Variants in THSD1 observed in about 807,000 individuals in gnomAD.
THSD1 encodes thrombospondin type-1 domain-containing protein 1.
In THSD1, 34 loss-of-function variants were observed where a neutral mutation model predicts 46.3. The ratio of observed to expected loss-of-function variants is 0.74; its 90% confidence interval spans 0.56 to 0.98. The LOEUF (loss-of-function observed/expected upper bound fraction) is 0.98, where lower values mean the gene tolerates loss of function less well. Ranked by LOEUF, THSD1 falls within the 50% of genes least tolerant of loss-of-function variation. The pLI, the probability that THSD1 is intolerant of heterozygous loss-of-function variation, is 0.00. For synonymous variants in THSD1, 407 were observed against 416.5 expected, an observed-to-expected ratio of 0.98 and a Z score of 0.28; for missense variants, 1,023 against 1,058.3, an observed-to-expected ratio of 0.97 and a Z score of 0.46.
chr13:52,378,574 C>T lies in THSD1; in HGVS notation c.1396G>A (p.Glu466Lys), dbSNP rs748275180. 6.2e-7 allele frequency: 1 copy of T among 1,614,176 alleles called. No homozygotes were observed. The highest frequency in any genetic ancestry group is 8.5e-7 in the Non-Finnish European group (1 of 1,180,044). ...SPSFRKNSDE[E>K]NICELSEQRG... Reference sequence around the variant, plus strand: ...TGCTCGCTCAGCTCGCAGATATTCTCCTCGTCCGAGTTCTTCCGGAAGCTG... The same window carrying T: ...TGCTCGCTCAGCTCGCAGATATTCTTCTCGTCCGAGTTCTTCCGGAAGCTG... Residue 466 changes from glutamate (E) to lysine (K), a missense_variant, in exon 5 of 5, where the codon GAG becomes AAG. Glu to Lys is a moderately conservative substitution (Grantham distance 56). Coordinates refer to ENST00000258613, the MANE Select transcript of THSD1 (RefSeq NM_018676.4).
Position 52,386,160 on chromosome 13 carries a change from T to C in THSD1, c.1048A>G (p.Ser350Gly), listed in dbSNP as rs961170720. The C allele has an allele frequency of 6.2e-7, 1 of 1,614,112 alleles. No individual in the cohort carries two copies. Among genetic ancestry groups the C allele is most frequent in the African/African-American group, 1.3e-5 (1 of 75,048 alleles). ...TCCCCACATGTGGCACTACACTGGC[T>C]CCATGGCTGCCACAGTCCCCAAGTT... Reference protein sequence around the residue: ...TETWGLWQPWSQCSATCGDGV... With the variant: ...TETWGLWQPWGQCSATCGDGV... Residue 350 changes from serine to glycine, a missense_variant, in exon 4 of 5, where the codon AGC becomes GGC. Physicochemically the swap from Ser to Gly is moderately conservative, Grantham distance 56. Coordinates refer to ENST00000258613, the MANE Select transcript of THSD1 (RefSeq NM_018676.4).
intron 4 of THSD1, among the ~76,000 whole-genome samples, chr13:52,382,603 A>G (rs1043082395): frequency 6.6e-6 from 1 of 152,026 alleles, no homozygotes; most frequent in Admixed American, 6.6e-5. Flanking sequence ...CAGGTCTCTT[A>G]ATGTGCCATC....
At chr13:52,387,929 A>T (rs1957745899) in intron 3 of THSD1, among the ~76,000 whole-genome samples, 1 of 152,118 alleles carries the variant, frequency 6.6e-6, no homozygotes, top group East Asian at 1.9e-4. Flanking sequence ...TTAATGAAAG[A>T]CTCCAAACCA....
At chr13:52,401,475 A>AT in intron 2 of THSD1, among the ~76,000 whole-genome samples, 1 of 150,640 alleles carries the variant, frequency 6.6e-6, no homozygotes, top group Non-Finnish European at 1.5e-5. Flanking sequence ...ATTTTTTTGT[A>AT]TTTTTAGTAG....
At chr13:52,383,762 C>A (rs1957709594) in intron 4 of THSD1, among the ~76,000 whole-genome samples, 1 of 152,152 alleles carries the variant, frequency 6.6e-6, no homozygotes, top group Non-Finnish European at 1.5e-5. Flanking sequence ...TTGACTAGGA[C>A]AAAGAGCACA....
intron 3 of THSD1, among the ~76,000 whole-genome samples, chr13:52,394,140 A>G (rs1365264644): frequency 1.3e-5 from 2 of 152,144 alleles, no homozygotes; most frequent in African/African-American, 4.8e-5. Context: ...GAAAAACTCC[A>G]GCCTTTAGAC....
intron 1 of THSD1, chr13:52,403,028 T>C (rs1439219074): frequency 2.2e-4 from 179 of 810,286 alleles, no homozygotes; most frequent in Non-Finnish European, 2.7e-4. Context: ...CATTTTCACA[T>C]TATTTATCTG....
At chr13:52,398,281 T>A (rs1957827104) in intron 2 of THSD1, 87 bp from the exon 3 acceptor site, 1 of 1,513,504 alleles carries the variant, frequency 6.6e-7, no homozygotes. Context: ...ATTTTTAAAT[T>A]TTTTTTTGAG....
intron 3 of THSD1, among the ~76,000 whole-genome samples, chr13:52,391,270 G>A (rs919057388): frequency 6.6e-6 from 1 of 151,620 alleles, no homozygotes; most frequent in African/African-American, 2.4e-5. Context: ...AGGCTGGAGT[G>A]CAGTGGTGTG....
In THSD1 at chr13:52,397,588, A is replaced by G. The variant is rs1788298474; in HGVS notation, c.665T>C (p.Leu222Pro). The change falls in exon 3 of 5, where the codon CTT becomes CCT. Residue 222 changes from leucine (L) to proline (P), a missense_variant. Physicochemically the swap from Leu to Pro is moderately conservative, Grantham distance 98. Transcript: ENST00000258613. ...GGAGGTAATGACTGAGTCTCGCCCA[A>G]GCAGCTTCAGCACCACGGTGACATA... The part of the protein sequence containing the change: ...EAYVTVVLKL[L>P]GRDSVITSTG... 1 of 1,614,204 alleles carries G rather than the reference A, an allele frequency of 6.2e-7. No homozygotes were observed. The highest frequency in any genetic ancestry group is 8.5e-7 in the Non-Finnish European group (1 of 1,180,032).
At position 52,402,663 on chromosome 13, in the gene THSD1, T is replaced by C; in HGVS notation, c.-63A>G. 5 of 1,593,730 alleles carry C rather than the reference T, an allele frequency of 3.1e-6. No individual in the cohort carries two copies. In the South Asian group the frequency reaches 5.7e-5, roughly 18 times the overall value. ...GTCCTTTCTCACGTCCAGATTGTGA[T>C]TTTTTTCCCCAAAAACACCTGAAAT... On this transcript the variant is annotated 5_prime_UTR_variant, in exon 2 of 5. Transcript: ENST00000258613.
At chr13:52,394,485 G>A (rs556427616) in intron 3 of THSD1, among the ~76,000 whole-genome samples, 267 of 152,064 alleles carry the variant, frequency 1.8e-3, no homozygotes, top group Middle Eastern at 3.4e-3. Flanking sequence ...ATGGTGGGGC[G>A]CATCTATAAT....
At chr13:52,391,587 A>G (rs1211274974) in intron 3 of THSD1, among the ~76,000 whole-genome samples, 2 of 151,782 alleles carry the variant, frequency 1.3e-5, no homozygotes, top group East Asian at 3.9e-4. Context: ...TCTGTAGCCC[A>G]GGCTGGAGTG....
intron 3 of THSD1, among the ~76,000 whole-genome samples, chr13:52,394,329 T>C (rs1594102019): frequency 6.6e-6 from 1 of 152,288 alleles, no homozygotes; most frequent in South Asian, 2.1e-4. Flanking sequence ...GGCAAGAATA[T>C]TGGGCCAGGC....
chr13:52,381,621 G>A (rs1957693480), intron 4 of THSD1, among the ~76,000 whole-genome samples: 1 of 152,106 alleles, frequency 6.6e-6, no homozygotes, highest in Non-Finnish European at 1.5e-5. Flanking sequence ...ATAATCAGTG[G>A]GAGAACTGTC....
rs1957639615 is a variant in THSD1 at position 52,377,244 on chromosome 13, GATAA to G, written c.*163_*166del. 1.5e-6 allele frequency: 2 copies of G among 1,321,082 alleles called. No individual in the cohort carries two copies. Among genetic ancestry groups the G allele is most frequent in the African/African-American group, 2.9e-5 (2 of 68,160 alleles). The allele number at this position is 1,321,082 out of a possible 1,614,324, so 81.8% of individuals were successfully genotyped here. A position where few individuals can be genotyped will look rare whatever the true frequency, so the allele number is the denominator to read the frequency against. On this transcript the variant is annotated 3_prime_UTR_variant, in exon 5 of 5. Transcript: ENST00000258613. ...TTGAATAACAAAGGAAAAAGCTCAA[GATAA>G]ATAATTTCTTCCTTGTGAATTCAAA...
rs1349107970 is a variant in THSD1 at position 52,377,557 on chromosome 13, T to G, written c.2413A>C (p.Thr805Pro). 3.1e-6 allele frequency: 5 copies of G among 1,600,858 alleles called. No homozygotes were observed. The African/African-American group carries it at 6.7e-5, about 21-fold the overall frequency. The change falls in exon 5 of 5, where the codon ACT (threonine) becomes CCT (proline). Residue 805 changes from threonine to proline, a missense_variant. Physicochemically the swap from Thr to Pro is conservative, Grantham distance 38. Around this residue, in one of 3 missense-constraint regions of THSD1, gnomAD observed 578 missense variants for 497.4 expected, o/e 1.16. Transcript: ENST00000258613. ...CRKDKCQSFP[T>P]HPEFAFYDNT... Reference sequence around the variant, plus strand: ...TCATAGAAGGCAAACTCAGGGTGAGTGGGGAAGCTTTGACACTTGTCTTTT... The same window carrying G: ...TCATAGAAGGCAAACTCAGGGTGAGGGGGGAAGCTTTGACACTTGTCTTTT...
rs1957901821 is a variant in THSD1, at chr13:52,405,851, A to G, written c.-82+180T>C. On this transcript the variant is annotated intron_variant, in intron 1 of 4. Transcript: ENST00000258613. ...TCGGGACTCCGAAGTGTGGAGACCA[A>G]TACCCCTTAAAAGCGTCCCCTGGGG... 1.3e-5 allele frequency among the ~76,000 whole-genome samples: 2 copies of G among 152,134 alleles called. 1 individual carries two copies. Among genetic ancestry groups the G allele is most frequent in the South Asian group, 4.1e-4 (2 of 4,832 alleles).
intron 3 of THSD1, among the ~76,000 whole-genome samples, chr13:52,388,205 T>C (rs771897339): frequency 1.3e-4 from 20 of 151,138 alleles, no homozygotes; most frequent in Non-Finnish European, 2.7e-4. Flanking sequence ...TATATGTATA[T>C]ATATATTTCA....
Sources: gnomAD v4.1 joint callset for allele counts (sites outside exome capture counted in the v4.1 genomes callset) on GRCh38, gnomAD v4.1.1 for gene constraint, gnomAD v4.1.1 regional missense constraint, MANE v1.5 for transcripts, NCBI Gene and HGNC (gene_info 2026-07-23, HGNC 2026-07-21) for gene names.